SAMD12: variants seen among roughly 807,000 people sequenced by gnomAD.
SAMD12 encodes the protein sterile alpha motif domain-containing protein 12.
In SAMD12, 9 loss-of-function variants were observed where a neutral mutation model predicts 15.0. That is an observed-to-expected ratio of 0.60 (90% CI 0.36 to 1.05). The LOEUF (loss-of-function observed/expected upper bound fraction) is 1.05. SAMD12 is among the 50% of genes least tolerant of loss of function. The pLI is 0.01. For synonymous variants in SAMD12, 86 were observed against 90.1 expected (o/e 0.96, Z 0.25); for missense variants, 230 against 234.2 (o/e 0.98, Z 0.12).
chr8:118,193,922 T>A (rs1377620688), exon 5 of SAMD12: 1 of 152,138 alleles, frequency 6.6e-6, no homozygotes, highest in Non-Finnish European at 1.5e-5. Context: ...AGTTGTCAAG[T>A]AACAAAATTA....
chr8:118,159,464 T>C, the SAMD12 span, among the ~76,000 whole-genome samples: 1 of 152,120 alleles, frequency 6.6e-6, no homozygotes. Flanking sequence ...TCAGGGCTGG[T>C]AGCATGAGCC....
chr8:118,434,103 A>C (rs1326938580), intron 3 of SAMD12, among the ~76,000 whole-genome samples: 1 of 152,150 alleles, frequency 6.6e-6, no homozygotes, highest in Non-Finnish European at 1.5e-5. Context: ...CCACATTCCA[A>C]AGGTCCTAAA....
chr8:118,416,852 A>T (rs1420515211), intron 3 of SAMD12, among the ~76,000 whole-genome samples: 2 of 152,156 alleles, frequency 1.3e-5, no homozygotes, highest in Non-Finnish European at 2.9e-5. Flanking sequence ...GATTTTGATG[A>T]TTCAGTTAAC....
intron 3 of SAMD12, among the ~76,000 whole-genome samples, chr8:118,411,938 T>C (rs1473044791): frequency 6.6e-6 from 1 of 152,200 alleles, no homozygotes; most frequent in African/African-American, 2.4e-5. Context: ...GGCAGTGTCC[T>C]GGTTGTGTAT....
chr8:118,480,070 C>T (rs1298532594), intron 2 of SAMD12, among the ~76,000 whole-genome samples: 1 of 152,172 alleles, frequency 6.6e-6, no homozygotes, highest in Non-Finnish European at 1.5e-5. Context: ...TTTTGGAAAA[C>T]TTCAGCATTA....
At chr8:118,289,786 T>A (rs537550224) in intron 4 of SAMD12, among the ~76,000 whole-genome samples, 7 of 152,248 alleles carry the variant, frequency 4.6e-5, no homozygotes, top group Non-Finnish European at 5.9e-5. Context: ...GTTAGTGTGC[T>A]CTTAATTAAT....
intron 2 of SAMD12, among the ~76,000 whole-genome samples, chr8:118,565,720 C>T (rs1266067463): frequency 6.6e-6 from 1 of 152,196 alleles, no homozygotes; most frequent in East Asian, 1.9e-4. Context: ...CCCCCCACCA[C>T]ACTGAGGCAT....
At position 118,425,031 on chromosome 8, in the gene SAMD12, T is replaced by C. The variant is rs574055395; in HGVS notation, c.322+14801A>G. Among the ~76,000 whole-genome samples, 8 of 151,120 alleles carry C rather than the reference T, an allele frequency of 5.3e-5. 1 individual carries two copies. Among genetic ancestry groups the C allele is most frequent in the South Asian group, 2.1e-4 (1 of 4,758 alleles). ...TCGGCTCATTGCAAGCTCTGCCTCC[T>C]GGGTTCACGCTATTCTCCTGCCTCA... is the stretch of plus-strand genomic sequence containing the variant. On this transcript the variant is annotated intron_variant, in intron 3 of 3. Coordinates refer to ENST00000314727, the MANE Select transcript of SAMD12 (RefSeq NM_207506.3).
At chr8:118,263,397 G>A (rs1340823272) in intron 4 of SAMD12, among the ~76,000 whole-genome samples, 12 of 151,988 alleles carry the variant, frequency 7.9e-5, no homozygotes, top group Admixed American at 7.9e-4. Flanking sequence ...TAGGGGTCTG[G>A]CATTGTTTTA....
At chr8:118,166,537 T>C in the SAMD12 span, among the ~76,000 whole-genome samples, 3 of 152,228 alleles carry the variant, frequency 2.0e-5, no homozygotes, top group Non-Finnish European at 4.4e-5. Flanking sequence ...CTTTGTACTT[T>C]AAAAGAGCCT....
chr8:118,303,228 G>T (rs1563747589), intron 4 of SAMD12, among the ~76,000 whole-genome samples: 1 of 152,188 alleles, frequency 6.6e-6, no homozygotes, highest in Admixed American at 6.5e-5. Flanking sequence ...GGATTAAAGG[G>T]CCTGAGGTCT....
chr8:118,553,876 A>G (rs1024665946), intron 2 of SAMD12, among the ~76,000 whole-genome samples: 8 of 149,990 alleles, frequency 5.3e-5, no homozygotes, highest in Non-Finnish European at 1.2e-4. Flanking sequence ...GGCGAAGGAC[A>G]TGAACAGACA....
chr8:118,236,249 A>G (rs1812427088), intron 4 of SAMD12, among the ~76,000 whole-genome samples: 5 of 152,190 alleles, frequency 3.3e-5, no homozygotes, highest in Admixed American at 1.3e-4. Flanking sequence ...TGCCAGCGAG[A>G]CCTAGTGAAG....
intron 4 of SAMD12, among the ~76,000 whole-genome samples, chr8:118,287,244 C>G (rs897356211): frequency 2.0e-5 from 3 of 151,778 alleles, no homozygotes; most frequent in Admixed American, 6.6e-5. Flanking sequence ...CCTGCCTCAG[C>G]CTTCCGAGTA....
intron 2 of SAMD12, among the ~76,000 whole-genome samples, chr8:118,524,215 C>T (rs1825471932): frequency 6.6e-6 from 1 of 152,234 alleles, no homozygotes; most frequent in East Asian, 1.9e-4. Flanking sequence ...TTCCCCTTGA[C>T]CACTCCACTG....
chr8:118,446,291 A>C (rs1822909815), intron 2 of SAMD12, among the ~76,000 whole-genome samples: 2 of 151,958 alleles, frequency 1.3e-5, no homozygotes, highest in Admixed American at 1.3e-4. Context: ...AATGGACTTT[A>C]AAATTTCTAA....
intron 4 of SAMD12, among the ~76,000 whole-genome samples, chr8:118,222,269 T>C (rs1479051387): frequency 1.3e-5 from 2 of 151,966 alleles, no homozygotes; most frequent in African/African-American, 4.8e-5. Flanking sequence ...ATATGTATTA[T>C]AGATGCCTGC....
At chr8:118,573,147 C>A (rs899448156) in intron 2 of SAMD12, among the ~76,000 whole-genome samples, 1 of 152,042 alleles carries the variant, frequency 6.6e-6, no homozygotes, top group Non-Finnish European at 1.5e-5. Flanking sequence ...TGCAATGGTG[C>A]GTTCCTGGCT....
At chr8:118,421,904 G>T (rs886633656) in intron 3 of SAMD12, among the ~76,000 whole-genome samples, 4 of 152,164 alleles carry the variant, frequency 2.6e-5, no homozygotes, top group Non-Finnish European at 5.9e-5. Flanking sequence ...ACTTGAAGAT[G>T]ATATTCTGGG....
Sources: gnomAD v4.1 joint callset for allele counts (sites outside exome capture counted in the v4.1 genomes callset) on GRCh38, gnomAD v4.1.1 for gene constraint, MANE v1.5 for transcripts, NCBI Gene and HGNC (gene_info 2026-07-23, HGNC 2026-07-21) for gene names.